COP1: variants seen among roughly 807,000 people sequenced by gnomAD.
The protein encoded by COP1 is COP1 E3 ubiquitin ligase.
COP1 carries 24 observed loss-of-function variants against 101.3 expected under a neutral mutation model. That is an observed-to-expected ratio of 0.24 (90% CI 0.17 to 0.33). COP1 has a LOEUF of 0.33. Ranked by LOEUF, COP1 falls within the 10% of genes least tolerant of loss-of-function variation. The pLI is 1.00. For synonymous variants in COP1, 347 were observed against 341.9 expected (o/e 1.01, Z -0.17); for missense variants, 663 against 906.2 (o/e 0.73, Z 3.45).
intron 17 of COP1, 98 bp downstream of exon 17, chr1:175,988,190 G>A (rs1571422063): frequency 8.5e-7 from 1 of 1,173,604 alleles, no homozygotes; most frequent in East Asian, 2.4e-5. Context: ...TGAGTGCACA[G>A]ACCATTTCTT....
chr1:176,089,158 G>A (rs1044315710), intron 9 of COP1, among the ~76,000 whole-genome samples: 27 of 151,556 alleles, frequency 1.8e-4, no homozygotes, highest in Admixed American at 7.9e-4. Flanking sequence ...AAAATCAGCC[G>A]GGCACAGTGG....
At chr1:176,196,881 C>CAAAAAAAAAAAAA (rs1251212971) in intron 1 of COP1, among the ~76,000 whole-genome samples, 75 of 67,836 alleles carry the variant, frequency 1.1e-3, no homozygotes, top group African/African-American at 4.0e-3. Flanking sequence ...TGTCTCTACG[C>CAAAAAAAAAAAAA]AAAAAAAAAA....
chr1:176,155,238 C>T lies in COP1; in HGVS notation c.763-6164G>A, dbSNP rs532809380. Among the ~76,000 whole-genome samples, 56 of 152,204 alleles carry T rather than the reference C, an allele frequency of 3.7e-4. 1 individual carries two copies. The highest frequency in any genetic ancestry group is 1.3e-3 in the African/African-American group (55 of 41,566). Reference sequence around the variant, plus strand: ...TTAAAGCCAATGACTGAAACTAACTCAAGCAGCGATGAAGCCCCAGTTAAG... The same window carrying T: ...TTAAAGCCAATGACTGAAACTAACTTAAGCAGCGATGAAGCCCCAGTTAAG... On this transcript the variant is annotated intron_variant, in intron 5 of 19. Coordinates refer to ENST00000367669, the MANE Select transcript of COP1 (RefSeq NM_022457.7).
At chr1:176,105,416 T>C (rs1684142221) in intron 9 of COP1, among the ~76,000 whole-genome samples, 1 of 152,202 alleles carries the variant, frequency 6.6e-6, no homozygotes, top group Non-Finnish European at 1.5e-5. Flanking sequence ...TCAGTATATA[T>C]TCTCAGGCTA....
chr1:176,038,592 G>GGCA (rs1326195021), intron 14 of COP1, among the ~76,000 whole-genome samples: 1 of 152,116 alleles, frequency 6.6e-6, no homozygotes, highest in Non-Finnish European at 1.5e-5. Context: ...GGCCAAGGCG[G>GGCA]GCAGATCACA....
chr1:176,156,627 A>G (rs547085335), intron 5 of COP1, among the ~76,000 whole-genome samples: 3 of 152,276 alleles, frequency 2.0e-5, no homozygotes, highest in East Asian at 3.9e-4. Flanking sequence ...AACATTAACT[A>G]TAAGTAAGAT....
intron 6 of COP1, among the ~76,000 whole-genome samples, chr1:176,139,218 A>G (rs948846369): frequency 6.6e-6 from 1 of 151,796 alleles, no homozygotes; most frequent in Non-Finnish European, 1.5e-5. Flanking sequence ...ACAAAAACCA[A>G]AATGAGATAC....
At chr1:175,972,789 T>C (rs993314273) in intron 18 of COP1, among the ~76,000 whole-genome samples, 3 of 152,052 alleles carry the variant, frequency 2.0e-5, no homozygotes, top group African/African-American at 7.2e-5. Context: ...ATTTCTAGCC[T>C]CAGGAAGCTT....
At chr1:176,060,093 T>G (rs944739631) in intron 11 of COP1, among the ~76,000 whole-genome samples, 1 of 152,208 alleles carries the variant, frequency 6.6e-6, no homozygotes, top group African/African-American at 2.4e-5. Flanking sequence ...TATGCATATT[T>G]TTATTCTATT....
intron 14 of COP1, among the ~76,000 whole-genome samples, chr1:176,029,711 T>G (rs1285832351): frequency 2.0e-5 from 3 of 152,180 alleles, no homozygotes; most frequent in Non-Finnish European, 4.4e-5. Flanking sequence ...TAAAAAATCT[T>G]AGAATATTTT....
At chr1:176,023,947 A>G (rs1667232525) in intron 15 of COP1, among the ~76,000 whole-genome samples, 1 of 152,012 alleles carries the variant, frequency 6.6e-6, no homozygotes, top group Non-Finnish European at 1.5e-5. Flanking sequence ...GCTGTCAAAG[A>G]CAGAAAATAT....
intron 9 of COP1, among the ~76,000 whole-genome samples, chr1:176,114,915 T>C (rs1463193144): frequency 6.6e-6 from 1 of 152,190 alleles, no homozygotes; most frequent in Non-Finnish European, 1.5e-5. Context: ...AATATCCTTG[T>C]TCCTAATGAA....
intron 3 of COP1, among the ~76,000 whole-genome samples, chr1:176,167,309 A>G (rs893187321): frequency 6.6e-6 from 1 of 152,248 alleles, no homozygotes; most frequent in South Asian, 2.1e-4. Flanking sequence ...GACATCAGCT[A>G]GCATCTTATT....
At chr1:175,947,454 T>TGTG in intron 18 of COP1, 1 of 432,224 alleles carries the variant, frequency 2.3e-6, no homozygotes, top group Non-Finnish European at 4.2e-6. Context: ...CACCACAACC[T>TGTG]CCACTTCCTG....
chr1:176,062,479 T>C (rs1437506388), intron 11 of COP1, among the ~76,000 whole-genome samples: 1 of 152,080 alleles, frequency 6.6e-6, no homozygotes, highest in African/African-American at 2.4e-5. Flanking sequence ...TTAAAAAAAA[T>C]AACAATGCTA....
At chr1:176,093,373 A>C (rs1222277401) in intron 9 of COP1, among the ~76,000 whole-genome samples, 1 of 152,134 alleles carries the variant, frequency 6.6e-6, no homozygotes, top group Admixed American at 6.5e-5. Flanking sequence ...TTTTTTAATA[A>C]TACTAAGATT....
At chr1:176,091,664 A>G (rs1328041980) in intron 9 of COP1, among the ~76,000 whole-genome samples, 4 of 152,184 alleles carry the variant, frequency 2.6e-5, no homozygotes, top group Non-Finnish European at 5.9e-5. Flanking sequence ...TAAATTTCAA[A>G]GACAACTACT....
chr1:176,193,158 A>G (rs143474987), intron 1 of COP1, among the ~76,000 whole-genome samples: 2 of 152,198 alleles, frequency 1.3e-5, no homozygotes, highest in Non-Finnish European at 2.9e-5. Context: ...TGAATGGCCA[A>G]CAAGCTCTTG....
At chr1:176,129,923 AAAGAT>A (rs1327715391) in intron 8 of COP1, among the ~76,000 whole-genome samples, 1 of 151,786 alleles carries the variant, frequency 6.6e-6, no homozygotes, top group Non-Finnish European at 1.5e-5. Flanking sequence ...CTAACCACAA[AAAGAT>A]AAGACTAGGC....
Sources: allele counts gnomAD v4.1 joint callset (sites outside exome capture counted in the v4.1 genomes callset), GRCh38; gene constraint gnomAD v4.1.1; transcripts MANE v1.5; gene names NCBI Gene and HGNC (gene_info 2026-07-23, HGNC 2026-07-21).